The following RBPJ variants were observed in gnomAD, a reference collection of about 807,000 sequenced individuals.
RBPJ encodes recombining binding protein suppressor of hairless.
RBPJ carries 9 observed loss-of-function variants against 67.8 expected under a neutral mutation model. That is an observed-to-expected ratio of 0.13 (90% CI 0.08 to 0.23). The LOEUF (loss-of-function observed/expected upper bound fraction) is 0.23, where lower values mean the gene tolerates loss of function less well. Ranked by LOEUF, RBPJ falls within the 10% of genes least tolerant of loss-of-function variation. The pLI, the probability that RBPJ is intolerant of heterozygous loss-of-function variation, is 1.00. For missense variants in RBPJ, 305 were observed against 595.6 expected (o/e 0.51, Z 5.08); for synonymous variants, 198 against 203.3 (o/e 0.97, Z 0.22).
At chr4:26,352,394 A>T (rs1051723794) in intron 1 of RBPJ, among the ~76,000 whole-genome samples, 1 of 152,156 alleles carries the variant, frequency 6.6e-6, no homozygotes, top group Non-Finnish European at 1.5e-5. Context: ...TTTATGACCT[A>T]ATCACCTCCC....
intron 1 of RBPJ, among the ~76,000 whole-genome samples, chr4:26,269,975 T>G (rs972159655): frequency 6.6e-6 from 1 of 151,946 alleles, no homozygotes; most frequent in Non-Finnish European, 1.5e-5. Flanking sequence ...CTGGTGTTCC[T>G]CGCCATGGGA....
intron 1 of RBPJ, among the ~76,000 whole-genome samples, chr4:26,242,407 G>C (rs1462363634): frequency 6.8e-6 from 1 of 147,708 alleles, no homozygotes. Context: ...AGATTGCGCC[G>C]CTGTACTCCA....
At chr4:26,112,590 T>G in the RBPJ span, 1 of 140,906 alleles carries the variant, frequency 7.1e-6, no homozygotes, top group Non-Finnish European at 1.5e-5. Context: ...TAATCTTGGA[T>G]AGCAGAGACA....
intron 1 of RBPJ, among the ~76,000 whole-genome samples, chr4:26,304,394 T>A (rs557769501): frequency 1.3e-5 from 2 of 152,380 alleles, no homozygotes; most frequent in African/African-American, 2.4e-5. Context: ...AGTAACTCTA[T>A]CGTTACCCTT....
chr4:26,219,783 TG>T (rs1184279469), intron 1 of RBPJ, among the ~76,000 whole-genome samples: 3 of 151,858 alleles, frequency 2.0e-5, no homozygotes, highest in East Asian at 3.9e-4. Context: ...TTGTTGTTGT[TG>T]TTTTTTTTTG....
chr4:26,329,525 C>A (rs540326587), intron 1 of RBPJ, among the ~76,000 whole-genome samples: 118 of 152,218 alleles, frequency 7.8e-4, no homozygotes, highest in African/African-American at 2.6e-3. Context: ...TAAGCTAGGT[C>A]TTTTCCTTTG....
chr4:26,396,468 C>T (rs1732128832), intron 2 of RBPJ, among the ~76,000 whole-genome samples: 1 of 152,206 alleles, frequency 6.6e-6, no homozygotes, highest in Admixed American at 6.5e-5. Flanking sequence ...GGTGACTTGC[C>T]TTTGATTGTC....
intron 1 of RBPJ, among the ~76,000 whole-genome samples, chr4:26,257,495 G>C (rs1720379264): frequency 6.6e-6 from 1 of 152,206 alleles, no homozygotes; most frequent in African/African-American, 2.4e-5. Context: ...CGGGTGTGGT[G>C]GTGCATGCCT....
chr4:26,284,442 G>C (rs1032244178), intron 1 of RBPJ, among the ~76,000 whole-genome samples: 1 of 152,046 alleles, frequency 6.6e-6, no homozygotes, highest in Non-Finnish European at 1.5e-5. Context: ...CATCTTTTCT[G>C]GTCCATATGA....
rs1191320705 is a variant in RBPJ, at chr4:26,197,647, C to T, written c.-167+34033C>T. On this transcript the variant is annotated intron_variant, in intron 1 of 4. Coordinates refer to the RBPJ transcript ENST00000512351. ...CGGATGATTCATATTTCCCCTAAAG[C>T]GGCAAGAGAGAAACTACCTGCCGCA... 4.6e-5 allele frequency among the ~76,000 whole-genome samples: 7 copies of T among 152,252 alleles called. No individual in the cohort carries two copies. The East Asian group carries it at 5.8e-4, about 13-fold the overall frequency.
chr4:26,275,483 G>C (rs542807363), intron 1 of RBPJ, among the ~76,000 whole-genome samples: 1 of 152,262 alleles, frequency 6.6e-6, no homozygotes, highest in East Asian at 1.9e-4. Flanking sequence ...ACCGGAAAAA[G>C]AAATTAAAAC....
At chr4:26,146,907 C>T in the RBPJ span, among the ~76,000 whole-genome samples, 2 of 152,222 alleles carry the variant, frequency 1.3e-5, no homozygotes, top group African/African-American at 4.8e-5. Context: ...TGGGAGCACC[C>T]TCCAGGCAGA....
rs770332037 is a variant in RBPJ at position 26,406,157 on chromosome 4, A to T, written c.60-18A>T. The T allele has an allele frequency of 7.3e-6, 11 of 1,502,354 alleles. No homozygotes were observed. The highest frequency in any genetic ancestry group is 8.3e-6 in the Non-Finnish European group (9 of 1,078,588). The allele number at this position is 1,502,354 out of a possible 1,614,324, so 93.1% of individuals were successfully genotyped here. ...AGAATTTCACCTCTGTAACAGTAAT[A>T]TTTGTATTTGTTTTTAGGGAAGCTA... is the stretch of plus-strand genomic sequence containing the variant. On this transcript the variant is annotated intron_variant, in intron 2 of 10. Transcript: ENST00000355476.
At chr4:26,155,688 G>A in the RBPJ span, among the ~76,000 whole-genome samples, 1 of 152,118 alleles carries the variant, frequency 6.6e-6, no homozygotes, top group East Asian at 1.9e-4. Context: ...GCCCACCTCA[G>A]CCTCCCAAAG....
chr4:26,242,446 CAAAAAA>C (rs111654269), intron 1 of RBPJ, among the ~76,000 whole-genome samples: 1 of 112,132 alleles, frequency 8.9e-6, no homozygotes, highest in African/African-American at 3.3e-5. Context: ...GACTCTGTCT[CAAAAAA>C]AAAAAAAAAG....
At chr4:26,295,235 AGGGTG>A (rs971497519) in intron 1 of RBPJ, among the ~76,000 whole-genome samples, 4 of 136,332 alleles carry the variant, frequency 2.9e-5, no homozygotes, top group African/African-American at 1.0e-4. Context: ...CCAGGAAGAA[AGGGTG>A]CATCAGTGTG....
intron 1 of RBPJ, among the ~76,000 whole-genome samples, chr4:26,214,895 AG>A (rs368488879): frequency 0.42 from 36,593 of 86,794 alleles, 9,516 homozygotes; most frequent in African/African-American, 0.72. Flanking sequence ...GAGAGAAAAA[AG>A]AGAAAAAGAA....
intron 1 of RBPJ, among the ~76,000 whole-genome samples, chr4:26,258,547 T>A (rs918111478): frequency 2.6e-5 from 4 of 152,180 alleles, no homozygotes; most frequent in African/African-American, 9.7e-5. Context: ...GTGGCCATGA[T>A]GGTAGGATCA....
chr4:26,306,064 T>G (rs1020878486), intron 1 of RBPJ, among the ~76,000 whole-genome samples: 2 of 151,904 alleles, frequency 1.3e-5, no homozygotes, highest in African/African-American at 4.8e-5. Context: ...GGATTACAGA[T>G]GTAAGCCACC....
Sources: gnomAD v4.1 joint callset for allele counts (sites outside exome capture counted in the v4.1 genomes callset) on GRCh38, gnomAD v4.1.1 for gene constraint, MANE v1.5 for transcripts, NCBI Gene and HGNC (gene_info 2026-07-23, HGNC 2026-07-21) for gene names.